The following MAP4K1 variants were observed in gnomAD, a reference collection of about 807,000 sequenced individuals.
The protein encoded by MAP4K1 is mitogen-activated protein kinase kinase kinase kinase 1.
A neutral mutation model predicts 122.8 loss-of-function variants in MAP4K1; 35 were observed. The ratio of observed to expected loss-of-function variants is 0.29; its 90% CI spans 0.22 to 0.38. The LOEUF is 0.38. Among genes scored for constraint, MAP4K1 ranks in the 10% least tolerant of loss-of-function variants. The pLI is 1.00. For missense variants in MAP4K1, 791 were observed against 1,072.6 expected (o/e 0.74, Z 3.67); for synonymous variants, 412 against 421.3 (o/e 0.98, Z 0.27).
chr19:38,595,479 G>C lies in MAP4K1; in HGVS notation c.2340+6C>G, dbSNP rs370316715. On this transcript the variant is annotated splice_donor_region_variant and intron_variant, in intron 29 of 30. Coordinates refer to ENST00000396857, the MANE Select transcript of MAP4K1 (RefSeq NM_001042600.3). Reference sequence around the variant, plus strand: ...AGTGATGTGGAGTTTGGATGGAGGGGCTTACCTGATCCGAGCCTAGAGCCC... The same window carrying C: ...AGTGATGTGGAGTTTGGATGGAGGGCCTTACCTGATCCGAGCCTAGAGCCC... 1.1e-4 allele frequency: 172 copies of C among 1,613,928 alleles called. No individual in the cohort carries two copies. Among genetic ancestry groups the C allele is most frequent in the Admixed American group, 4.2e-4 (25 of 59,990 alleles).
intron 25 of MAP4K1, 49 bp downstream of exon 25, chr19:38,596,985 C>A: frequency 1.9e-6 from 3 of 1,559,360 alleles, no homozygotes; most frequent in Non-Finnish European, 2.7e-6. Context: ...GGTGCAAGGC[C>A]TTAGCCACCC....
intron 19 of MAP4K1, among the ~76,000 whole-genome samples, chr19:38,602,943 T>C (rs895577408): frequency 3.5e-5 from 5 of 143,198 alleles, no homozygotes; most frequent in Admixed American, 3.0e-4. Context: ...TATATACACA[T>C]ACATATATAC....
rs762937175 is a variant in MAP4K1 at position 38,600,134 on chromosome 19, C to A, written c.1551G>T (p.Gly517=). The A allele has an allele frequency of 6.2e-7, 1 of 1,614,028 alleles. No homozygotes were observed. The highest frequency in any genetic ancestry group is 1.3e-5 in the African/African-American group (1 of 74,904). Residue 517 remains glycine, a synonymous_variant, in exon 21 of 31, where the codon GGG becomes GGT. Transcript: ENST00000396857. The stretch of plus-strand genomic sequence containing the variant: ...TCAGGATGAAGATGCCTTCCTCTGC[C>A]CCCAGGAGCAGGTGCTGGTCTGGAG... ...PSTKDQHLLL[G]AEEGIFILNR...
chr19:38,607,975 C>T lies in MAP4K1; in HGVS notation c.1109+15G>A. On this transcript the variant is annotated intron_variant, in intron 15 of 30. Coordinates refer to ENST00000396857, the MANE Select transcript of MAP4K1 (RefSeq NM_001042600.3). ...ACATTCCAGCCCCCTCCCCATCCTC[C>T]CTGGGGTCCCTGACCTGGGGCTGCT... The T allele has an allele frequency of 6.2e-7, 1 of 1,611,622 alleles. No homozygotes were observed. Among genetic ancestry groups the T allele is most frequent in the Non-Finnish European group, 8.5e-7 (1 of 1,178,960 alleles).
At chr19:38,589,505 T>G (rs1974640875) in intron 30 of MAP4K1, among the ~76,000 whole-genome samples, 1 of 149,240 alleles carries the variant, frequency 6.7e-6, no homozygotes, top group South Asian at 2.2e-4. Flanking sequence ...AACCTCCGCC[T>G]CCCGGGTTCA....
At chr19:38,591,526 CAAAAA>C (rs5828010) in intron 30 of MAP4K1, among the ~76,000 whole-genome samples, 1 of 66,698 alleles carries the variant, frequency 1.5e-5, no homozygotes. Context: ...GACTCCATCT[CAAAAA>C]AAAAAAAAAA....
chr19:38,602,581 T>TAC (rs1975111873), intron 19 of MAP4K1, among the ~76,000 whole-genome samples: 1 of 148,458 alleles, frequency 6.7e-6, no homozygotes, highest in African/African-American at 2.5e-5. Flanking sequence ...TACATATATA[T>TAC]ACACATGTAC....
chr19:38,607,579 A>C (rs1568636391), intron 16 of MAP4K1, among the ~76,000 whole-genome samples: 4 of 149,914 alleles, frequency 2.7e-5, no homozygotes, highest in African/African-American at 9.8e-5. Flanking sequence ...AAAAAAAAAA[A>C]AGAAGAAGGT....
At chr19:38,610,950 A>G in intron 11 of MAP4K1, 101 bp downstream of exon 11, 7 of 1,055,208 alleles carry the variant, frequency 6.6e-6, no homozygotes, top group Non-Finnish European at 1.0e-5. Context: ...GACTTTGGAA[A>G]GGCCACGGGG....
intron 22 of MAP4K1, 144 bp downstream of exon 22, chr19:38,599,781 C>A: frequency 1.3e-6 from 1 of 790,876 alleles, no homozygotes; most frequent in Non-Finnish European, 2.2e-6. Context: ...GGAGCACAGT[C>A]AAAAAGTGTC....
rs1180296636 is a variant in MAP4K1 at position 38,595,700 on chromosome 19, A to C, written c.2209T>G (p.Ser737Ala). Reference protein sequence around the residue: ...GSVKLVTPEGSPVRGLRTPEI... With the variant: ...GSVKLVTPEGAPVRGLRTPEI... Reference sequence around the variant, plus strand: ...GGTGTGCGAAGTCCCCGGACTGGGGACCCCTCCGGGGTCACCAGCTTCACA... The same window carrying C: ...GGTGTGCGAAGTCCCCGGACTGGGGCCCCCTCCGGGGTCACCAGCTTCACA... The change falls in exon 28 of 31, where the codon TCC (serine) becomes GCC (alanine). Residue 737 changes from serine (S) to alanine (A), a missense_variant. This residue lies in a region of MAP4K1 where 267 missense variants were observed against 323.0 expected (regional missense o/e 0.83). Coordinates refer to ENST00000396857, the MANE Select transcript of MAP4K1 (RefSeq NM_001042600.3). 6.2e-7 allele frequency: 1 copy of C among 1,611,228 alleles called. No individual in the cohort carries two copies. Among genetic ancestry groups the C allele is most frequent in the Non-Finnish European group, 8.5e-7 (1 of 1,178,716 alleles).
intron 12 of MAP4K1, 102 bp from the exon 13 acceptor site, chr19:38,609,776 C>G (rs73552631): frequency 1.5e-6 from 2 of 1,327,340 alleles, no homozygotes; most frequent in Middle Eastern, 2.0e-4. Context: ...GGGCACACAG[C>G]CTTTTACCAA....
chr19:38,604,368 T>G (rs1001869596), intron 19 of MAP4K1, among the ~76,000 whole-genome samples: 2 of 152,148 alleles, frequency 1.3e-5, no homozygotes, highest in East Asian at 3.9e-4. Flanking sequence ...GCATATGTGG[T>G]AGTGACTCAT....
intron 12 of MAP4K1, 110 bp from the exon 13 acceptor site, chr19:38,609,784 C>A (rs1407895838): frequency 3.1e-6 from 4 of 1,307,464 alleles, no homozygotes; most frequent in Non-Finnish European, 4.3e-6. Flanking sequence ...AGCCTTTTAC[C>A]AAGCTCCCCA....
rs1016739847 is a variant in MAP4K1 at position 38,617,251 on chromosome 19, AAAAAG to A, written c.248+98_248+102del. The A allele has an allele frequency of 1.2e-5, 10 of 820,172 alleles. No individual in the cohort carries two copies. The highest frequency in any genetic ancestry group is 8.6e-5 in the African/African-American group (5 of 58,372). The allele number at this position is 820,172 out of a possible 1,614,324, so 50.8% of individuals were successfully genotyped here. On this transcript the variant is annotated intron_variant, in intron 3 of 30. Coordinates refer to ENST00000396857, the MANE Select transcript of MAP4K1 (RefSeq NM_001042600.3). The surrounding 1 kb of genome is among the most constrained non-coding windows in gnomAD (Gnocchi z 4.1). Reference sequence around the variant, plus strand: ...AGAACAAGACTCCATCTCAAAAAAGAAAAAGAAAAGAAAAAAAAAGAACTGAGGGT... The same window carrying A: ...AGAACAAGACTCCATCTCAAAAAAGAAAAAGAAAAAAAAAGAACTGAGGGT...
rs1974634260 is a variant in MAP4K1 at position 38,589,373 on chromosome 19, T to A, written c.2397-1556A>T. On this transcript the variant is annotated intron_variant, in intron 30 of 30. Coordinates refer to ENST00000396857, the MANE Select transcript of MAP4K1 (RefSeq NM_001042600.3). Reference sequence around the variant, plus strand: ...GAAAATCTGATGAGAAACAACGTATTTACAGACTATTTACCTCGTCTCAGT... The same window carrying A: ...GAAAATCTGATGAGAAACAACGTATATACAGACTATTTACCTCGTCTCAGT... 8.7e-5 allele frequency: 18 copies of A among 206,750 alleles called. No individual in the cohort carries two copies. In the South Asian group the frequency reaches 8.8e-4, roughly 10 times the overall value. 12.8% of individuals were successfully genotyped at this position (206,750 alleles called of 1,614,324 possible).
intron 30 of MAP4K1, among the ~76,000 whole-genome samples, chr19:38,592,772 C>T (rs1250929712): frequency 6.6e-6 from 1 of 151,440 alleles, no homozygotes; most frequent in Non-Finnish European, 1.5e-5. Flanking sequence ...ATAGTATTAG[C>T]CGGGTGTGGT....
rs1270930610 is a variant in MAP4K1, at chr19:38,610,155, T to C, written c.811-130A>G. ...AATCTAGCTGGGGAGAAGGTGCCAG[T>C]GAAGGCAGAGGGCGGGGAAATCCAG... On this transcript the variant is annotated intron_variant, in intron 11 of 30. Transcript: ENST00000396857. 6 of 646,806 alleles carry C rather than the reference T, an allele frequency of 9.3e-6. No individual in the cohort carries two copies. In the African/African-American group the frequency reaches 1.1e-4, roughly 12 times the overall value. 40.1% of individuals were successfully genotyped at this position (646,806 alleles called of 1,614,324 possible).
intron 9 of MAP4K1, among the ~76,000 whole-genome samples, chr19:38,611,969 G>A (rs1216752408): frequency 2.0e-5 from 3 of 151,796 alleles, no homozygotes; most frequent in East Asian, 3.9e-4. Flanking sequence ...GCATGGTGGC[G>A]TGCACCTGTA....
Sources: gnomAD v4.1 joint callset for allele counts (sites outside exome capture counted in the v4.1 genomes callset) on GRCh38, gnomAD v4.1.1 for gene constraint, gnomAD v4.1.1 regional missense constraint, Gnocchi (gnomAD v3.1) non-coding constraint, MANE v1.5 for transcripts, NCBI Gene and HGNC (gene_info 2026-07-23, HGNC 2026-07-21) for gene names.